Variants in SPTA1 observed in about 807,000 individuals in gnomAD.
The protein encoded by SPTA1 is spectrin alpha chain, erythrocytic 1.
Under a neutral mutation model 324.7 loss-of-function variants are expected in SPTA1, and 177 were observed. The observed-to-expected ratio is 0.55, with a 90% CI of 0.48 to 0.62. SPTA1 has a LOEUF of 0.62. Among genes scored for constraint, SPTA1 ranks in the 20% least tolerant of loss-of-function variants. The probability of loss-of-function intolerance (pLI) is 0.00; values close to 1 mark genes in which losing one functional copy is unlikely to be tolerated. For synonymous variants in SPTA1, 1,195 were observed against 1,041.3 expected (o/e 1.15, Z -2.84); for missense variants, 3,162 against 2,883.6 (o/e 1.10, Z -2.21).
At chr1:158,660,361 A>G (rs1285103587) in intron 18 of SPTA1, among the ~76,000 whole-genome samples, 1 of 152,186 alleles carries the variant, frequency 6.6e-6, no homozygotes, top group Non-Finnish European at 1.5e-5. Flanking sequence ...TAATCAAAAG[A>G]TAGCTCATGT....
intron 39 of SPTA1, among the ~76,000 whole-genome samples, chr1:158,633,083 C>T (rs181592572): frequency 6.6e-6 from 1 of 152,222 alleles, no homozygotes; most frequent in Non-Finnish European, 1.5e-5. Flanking sequence ...AAGTTACATA[C>T]TATATGATTT....
rs36109350 is a variant in SPTA1 at position 158,656,650 on chromosome 1, G to C, written c.2812C>G (p.Leu938Val). The change falls in exon 20 of 52, where the codon CTA becomes GTA. Residue 938 changes from leucine (L) to valine (V), a missense_variant. Leu to Val is a conservative substitution (Grantham distance 32, BLOSUM62 1). Coordinates refer to ENST00000643759, the MANE Select transcript of SPTA1 (RefSeq NM_003126.4). ...GADEEAAGAL[L>V]KKHEAFLLDL... is the part of the protein sequence containing the mutation. ...AATAGAAAGGCCTCATGCTTCTTTA[G>C]AAGAGCCTGCATTTATTGATGGAAG... 6.8e-6 allele frequency: 11 copies of C among 1,612,962 alleles called. No individual in the cohort carries two copies. In the African/African-American group the frequency reaches 1.3e-4, roughly 20 times the overall value.
chr1:158,634,847 T>C (rs1650948617), intron 38 of SPTA1, among the ~76,000 whole-genome samples, 172 bp from the exon 39 acceptor site: 1 of 152,124 alleles, frequency 6.6e-6, no homozygotes, highest in Non-Finnish European at 1.5e-5. Context: ...GTGGTGAAGA[T>C]CTGCTGTGAA....
In SPTA1 at chr1:158,648,548, A is replaced by G; in HGVS notation, c.3675T>C (p.His1225=). 1.2e-6 allele frequency: 2 copies of G among 1,614,042 alleles called. No individual in the cohort carries two copies. Among genetic ancestry groups the G allele is most frequent in the Non-Finnish European group, 1.7e-6 (2 of 1,179,986 alleles). The change falls in exon 26 of 52, where the codon CAT becomes CAC. Residue 1225 remains histidine (H), a synonymous_variant. Coordinates refer to ENST00000643759, the MANE Select transcript of SPTA1 (RefSeq NM_003126.4). ...LFSVQALQRR[H]EGFERDLVPL... is the part of the protein sequence containing the mutation. ...GTACGAGGTCCCTTTCAAAGCCCTC[A>G]TGCCGTCGCTGAAGAGCCTGAACAC...
chr1:158,667,151 A>T (rs932579477), intron 15 of SPTA1, among the ~76,000 whole-genome samples: 3 of 150,864 alleles, frequency 2.0e-5, no homozygotes, highest in Admixed American at 6.6e-5. Flanking sequence ...AACCAAAAAT[A>T]AGGATGGTAT....
intron 38 of SPTA1, among the ~76,000 whole-genome samples, chr1:158,635,391 C>T (rs1255802317): frequency 2.0e-5 from 3 of 151,604 alleles, no homozygotes; most frequent in Non-Finnish European, 4.4e-5. Context: ...TTTCCTGAGG[C>T]CTCCCAGTCA....
intron 29 of SPTA1, among the ~76,000 whole-genome samples, chr1:158,644,954 A>G (rs1651881176): frequency 6.6e-6 from 1 of 152,190 alleles, no homozygotes; most frequent in South Asian, 2.1e-4. Flanking sequence ...TAGTCAACCC[A>G]CCTCATGCTC....
At position 158,656,676 on chromosome 1, in the gene SPTA1, A is replaced by G; in HGVS notation, c.2806-20T>C. ...AAGAGCCTGCATTTATTGATGGAAGATCATCAGAATGAATATAGGAGGAAC... is the reference window on the plus strand; with the variant it reads ...AAGAGCCTGCATTTATTGATGGAAGGTCATCAGAATGAATATAGGAGGAAC... On this transcript the variant is annotated intron_variant, in intron 19 of 51. Transcript: ENST00000643759. The G allele has an allele frequency of 6.3e-7, 1 of 1,592,196 alleles. No homozygotes were observed.
rs183647059 is a variant in SPTA1 at position 158,678,420 on chromosome 1, T to C, written c.793A>G (p.Asn265Asp). ...QRQKALSNAA[N>D]LQRFKRDVTE... ...CCATACCTTTTGAATCGTTGTAAGT[T>C]TGCAGCATTGGACAGAGCTTTCTGT... Residue 265 changes from asparagine (N) to aspartate (D), a missense_variant, in exon 6 of 52, where the codon AAC becomes GAC. By Grantham distance (23) the Asn-to-Asp change is conservative. Coordinates refer to ENST00000643759, the MANE Select transcript of SPTA1 (RefSeq NM_003126.4). 2.8e-3 allele frequency: 4,518 copies of C among 1,613,712 alleles called. 21 individuals are homozygous for C. Among genetic ancestry groups the C allele is most frequent in the Non-Finnish European group, 2.8e-3 (3,278 of 1,179,708 alleles).
rs375552473 is a variant in SPTA1, at chr1:158,612,872, G to C, written c.7079C>G (p.Ala2360Gly). 7.4e-6 allele frequency: 12 copies of C among 1,613,918 alleles called. No individual in the cohort carries two copies. Among genetic ancestry groups the C allele is most frequent in the Non-Finnish European group, 1.0e-5 (12 of 1,179,890 alleles). Residue 2360 changes from alanine (A) to glycine (G), a missense_variant, in exon 51 of 52, where the codon GCC becomes GGC. Ala to Gly is a moderately conservative substitution (Grantham distance 60). Transcript: ENST00000643759. ...NIKSSDEIEN[A>G]FQALAEGKSY... ...CTTGCCCTCTGCCAGGGCTTGGAAG[G>C]CATTCTCTATTTCATCACTGGACTT...
chr1:158,662,493 G>T (rs1488255250), intron 17 of SPTA1, among the ~76,000 whole-genome samples: 1 of 152,048 alleles, frequency 6.6e-6, no homozygotes, highest in Admixed American at 6.6e-5. Flanking sequence ...CTAAATTCAT[G>T]GCATTGCTCA....
chr1:158,651,924 C>T (rs934586425), intron 23 of SPTA1, among the ~76,000 whole-genome samples: 44 of 144,400 alleles, frequency 3.0e-4, no homozygotes, highest in Non-Finnish European at 4.8e-4. Context: ...TGTGTGTGTG[C>T]GCGTGTGTGT....
chr1:158,670,040 G>A (rs1227505822), intron 12 of SPTA1, among the ~76,000 whole-genome samples: 1 of 152,194 alleles, frequency 6.6e-6, no homozygotes, highest in African/African-American at 2.4e-5. Flanking sequence ...TGCAGATGTT[G>A]CTATGAGATG....
At chr1:158,666,212 T>G in intron 16 of SPTA1, 104 bp downstream of exon 16, 1 of 1,170,338 alleles carries the variant, frequency 8.5e-7, no homozygotes, top group East Asian at 2.6e-5. Context: ...TTATTATTAC[T>G]TATTAAGTAA....
At chr1:158,613,933 G>T in intron 49 of SPTA1, 66 bp from the exon 50 acceptor site, 1 of 1,542,854 alleles carries the variant, frequency 6.5e-7, no homozygotes, top group East Asian at 2.3e-5. Context: ...AGAACAGAAA[G>T]GAATATGTCT....
At chr1:158,664,869 G>C (rs1056934051) in intron 16 of SPTA1, among the ~76,000 whole-genome samples, 3 of 152,218 alleles carry the variant, frequency 2.0e-5, no homozygotes, top group South Asian at 4.1e-4. Flanking sequence ...AGGCGAGGGA[G>C]AGAGGATATC....
chr1:158,635,314 C>T (rs1470827943), intron 38 of SPTA1, among the ~76,000 whole-genome samples: 1 of 151,818 alleles, frequency 6.6e-6, no homozygotes. Flanking sequence ...AGCACTCTCC[C>T]CGCCCCCGCC....
intron 44 of SPTA1, 102 bp from the exon 45 acceptor site, chr1:158,619,436 G>A (rs1649770898): frequency 1.8e-6 from 2 of 1,130,354 alleles, no homozygotes; most frequent in Non-Finnish European, 1.3e-6. Flanking sequence ...CCTCTCTCAA[G>A]TCTAACCTAT....
At chr1:158,668,141 T>C (rs754359858) in intron 14 of SPTA1, 79 bp from the exon 15 acceptor site, 47 of 1,462,382 alleles carry the variant, frequency 3.2e-5, no homozygotes, top group Non-Finnish European at 4.5e-5. Flanking sequence ...AGAGGTTACT[T>C]CTCACTATAA....
Sources: gnomAD v4.1 joint callset for allele counts (sites outside exome capture counted in the v4.1 genomes callset) on GRCh38, gnomAD v4.1.1 for gene constraint, MANE v1.5 for transcripts, NCBI Gene and HGNC (gene_info 2026-07-23, HGNC 2026-07-21) for gene names.